Variants in TRPV6 observed in about 807,000 individuals in gnomAD.
The protein encoded by TRPV6 is transient receptor potential cation channel subfamily V member 6.
A neutral mutation model predicts 79.0 loss-of-function variants in TRPV6; 39 were observed. The ratio of observed to expected loss-of-function variants is 0.49; its 90% CI spans 0.38 to 0.64. The LOEUF (loss-of-function observed/expected upper bound fraction) is 0.64, where lower values mean the gene tolerates loss of function less well. Ranked by LOEUF, TRPV6 falls within the 30% of genes least tolerant of loss-of-function variation. The pLI is 0.00. For missense variants in TRPV6, 813 were observed against 1,011.1 expected (o/e 0.80, Z 2.66); for synonymous variants, 373 against 391.9 (o/e 0.95, Z 0.57).
In TRPV6 at chr7:142,874,372, G is replaced by C. The variant is rs559801976; in HGVS notation, c.1572+119C>G. The C allele has an allele frequency of 6.0e-6, 8 of 1,337,384 alleles. No individual in the cohort carries two copies. In the African/African-American group the frequency reaches 7.3e-5, roughly 12 times the overall value. 82.8% of individuals were successfully genotyped at this position (1,337,384 alleles called of 1,614,324 possible). A position where few individuals can be genotyped will look rare whatever the true frequency, so the allele number is the denominator to read the frequency against. Reference sequence around the variant, plus strand: ...GATTGTTAAAAAAGAAGAAAAACATGCAGTGAGGCCATGTGTGGCTTGCAG... The same window carrying C: ...GATTGTTAAAAAAGAAGAAAAACATCCAGTGAGGCCATGTGTGGCTTGCAG... On this transcript the variant is annotated intron_variant, in intron 11 of 14. Transcript: ENST00000359396.
chr7:142,875,514 C>G lies in TRPV6; in HGVS notation c.1196G>C (p.Arg399Pro). The G allele has an allele frequency of 6.2e-7, 1 of 1,606,526 alleles. No individual in the cohort carries two copies. Among genetic ancestry groups the G allele is most frequent in the Non-Finnish European group, 8.5e-7 (1 of 1,177,270 alleles). Residue 399 changes from arginine (R) to proline (P), a missense_variant, in exon 8 of 15, where the codon CGC (arginine) becomes CCC (proline). Transcript: ENST00000359396. ...GAGGGTGTTGTCCCGGGGGCTCGTG[C>G]GGTTATTGGTCCTGGGCTTGAGGGG...
In TRPV6 at chr7:142,871,649, G is replaced by T; in HGVS notation, c.*58C>A. 1 of 1,532,196 alleles carries T rather than the reference G, an allele frequency of 6.5e-7. No homozygotes were observed. The highest frequency in any genetic ancestry group is 1.4e-5 in the African/African-American group (1 of 72,384). 94.9% of individuals were successfully genotyped at this position (1,532,196 alleles called of 1,614,324 possible). On this transcript the variant is annotated 3_prime_UTR_variant, in exon 15 of 15. Coordinates refer to ENST00000359396, the MANE Select transcript of TRPV6 (RefSeq NM_018646.6). ...CCTCTGGGTGTTTGGTTTTTGTTTT[G>T]TTTGATGCACCCAGGAAAATGAGAG... is the stretch of plus-strand genomic sequence containing the variant.
intron 1 of TRPV6, chr7:142,884,134 C>G (rs1795248971): frequency 6.6e-6 from 1 of 151,388 alleles, no homozygotes; most frequent in South Asian, 2.1e-4. Flanking sequence ...GTGAGGACGA[C>G]CTACTCTCTA....
At position 142,873,848 on chromosome 7, in the gene TRPV6, G is replaced by C; in HGVS notation, c.1640-132C>G. 1 of 1,302,684 alleles carries C rather than the reference G, an allele frequency of 7.7e-7. No homozygotes were observed. Among genetic ancestry groups the C allele is most frequent in the Non-Finnish European group, 1.1e-6 (1 of 935,570 alleles). The allele number at this position is 1,302,684 out of a possible 1,614,324, so 80.7% of individuals were successfully genotyped here. ...CAGCTCTGCAGTGCTCCAAACTTTGGGTTTTTACGGTCCCTAGTTTTGTAT... is the reference window on the plus strand; with the variant it reads ...CAGCTCTGCAGTGCTCCAAACTTTGCGTTTTTACGGTCCCTAGTTTTGTAT... On this transcript the variant is annotated intron_variant, in intron 12 of 14. Transcript: ENST00000359396. This position sits in a 1 kb window ranked among gnomAD's most constrained non-coding sequence, Gnocchi z 4.8.
intron 2 of TRPV6, 39 bp downstream of exon 2, chr7:142,877,890 G>A (rs1444747414): frequency 7.4e-6 from 12 of 1,613,408 alleles, no homozygotes; most frequent in Non-Finnish European, 1.0e-5. Context: ...CCATGTGTGG[G>A]GCTCACCTAG....
rs1393649557 is a variant in TRPV6 at position 142,876,330 on chromosome 7, CCT to C, written c.882+76_882+77del. 7.8e-6 allele frequency: 12 copies of C among 1,531,198 alleles called. No homozygotes were observed. The Middle Eastern group carries it at 1.3e-3, about 171-fold the overall frequency. The allele number at this position is 1,531,198 out of a possible 1,614,324, so 94.9% of individuals were successfully genotyped here. On this transcript the variant is annotated intron_variant, in intron 6 of 14. Coordinates refer to ENST00000359396, the MANE Select transcript of TRPV6 (RefSeq NM_018646.6). Reference sequence around the variant, plus strand: ...ATCTAAGCATCAGGGATCGCGTTCACCTCTGTTTCTCCCAGGGCCAGCGGGAT... The same window carrying C: ...ATCTAAGCATCAGGGATCGCGTTCACCTGTTTCTCCCAGGGCCAGCGGGAT...
At chr7:142,884,098 G>A (rs1795247963) in intron 1 of TRPV6, 2 of 152,282 alleles carry the variant, frequency 1.3e-5, no homozygotes, top group Non-Finnish European at 2.9e-5. Flanking sequence ...GGGGTCCTAA[G>A]AGTGGGAAGA....
At position 142,885,697 on chromosome 7, in the gene TRPV6, T is replaced by A; in HGVS notation, c.-61A>T. The A allele has an allele frequency of 1.3e-6, 1 of 773,296 alleles. No individual in the cohort carries two copies. Among genetic ancestry groups the A allele is most frequent in the Non-Finnish European group, 1.9e-6 (1 of 515,744 alleles). The allele number at this position is 773,296 out of a possible 1,614,324, so 47.9% of individuals were successfully genotyped here. A position where few individuals can be genotyped will look rare whatever the true frequency, so the allele number is the denominator to read the frequency against. On this transcript the variant is annotated 5_prime_UTR_variant, in exon 1 of 15. Coordinates refer to ENST00000359396, the MANE Select transcript of TRPV6 (RefSeq NM_018646.6). ...AGTCTCCCAGCAGCCCCAGCCAGTT[T>A]GGAGAGGGCTGTGAGTTTGTTACAC...
Position 142,885,579 on chromosome 7 carries a change from T to C in TRPV6, c.58A>G (p.Arg20Gly), listed in dbSNP as rs1167852363. The C allele has an allele frequency of 2.6e-6, 4 of 1,520,926 alleles. No individual in the cohort carries two copies. The highest frequency in any genetic ancestry group is 2.8e-5 in the African/African-American group (2 of 71,852). 94.2% of individuals were successfully genotyped at this position (1,520,926 alleles called of 1,614,324 possible). Reference sequence around the variant, plus strand: ...GGCCAGACCCTGACGGGACTCAGCCTTGGGGCCACATCAGCCCCCCCAAGG... The same window carrying C: ...GGCCAGACCCTGACGGGACTCAGCCCTGGGGCCACATCAGCCCCCCCAAGG... Residue 20 changes from arginine (R) to glycine (G), a missense_variant, in exon 1 of 15, where the codon AGG (arginine) becomes GGG (glycine). Physicochemically the swap from Arg to Gly is moderately radical, Grantham distance 125. Around this residue, in one of 3 missense-constraint regions of TRPV6, gnomAD observed 555 missense variants for 631.0 expected, o/e 0.88. Transcript: ENST00000359396.
chr7:142,872,465 G>A lies in TRPV6; in HGVS notation c.1922C>T (p.Thr641Ile), dbSNP rs867731519. 1 of 1,613,522 alleles carries A rather than the reference G, an allele frequency of 6.2e-7. No homozygotes were observed. The highest frequency in any genetic ancestry group is 8.5e-7 in the Non-Finnish European group (1 of 1,179,714). The change falls in exon 14 of 15, where the codon ACA becomes ATA. Residue 641 changes from threonine (T) to isoleucine (I), a missense_variant. Physicochemically the swap from Thr to Ile is moderately conservative, Grantham distance 89. Transcript: ENST00000359396. ...AGGCAGCTTCCGCTCCAGCATCACTGTGGTGGCCACAATCTGCGTATGGGA... is the reference window on the plus strand; with the variant it reads ...AGGCAGCTTCCGCTCCAGCATCACTATGGTGGCCACAATCTGCGTATGGGA...
intron 1 of TRPV6, chr7:142,885,073 G>A (rs113830345): frequency 0.016 from 3,429 of 209,754 alleles, 118 homozygotes; most frequent in African/African-American, 0.074. Context: ...CCTCTTGGGT[G>A]GAGGGGCTGT....
chr7:142,878,308 G>T (rs1795122543), intron 1 of TRPV6: 1 of 499,534 alleles, frequency 2.0e-6, no homozygotes, highest in Non-Finnish European at 3.6e-6. Context: ...ATGTGTGAAT[G>T]TATTATCAGT....
At position 142,878,230 on chromosome 7, in the gene TRPV6, C is replaced by T. The variant is rs537440543; in HGVS notation, c.249-204G>A. On this transcript the variant is annotated intron_variant, in intron 1 of 14. Transcript: ENST00000359396. ...TACAATCAACTTTTTGCCCATTTAG[C>T]ATGCGTTTTGAGATTGTCCGTGACT... 82 of 598,820 alleles carry T rather than the reference C, an allele frequency of 1.4e-4. No homozygotes were observed. The South Asian group carries it at 1.6e-3, about 12-fold the overall frequency. 37.1% of individuals were successfully genotyped at this position (598,820 alleles called of 1,614,324 possible). A position where few individuals can be genotyped will look rare whatever the true frequency, so the allele number is the denominator to read the frequency against.
rs1186023673 is a variant in TRPV6, at chr7:142,876,041, GCA to G, written c.883-139_883-138del. 1.3e-5 allele frequency: 12 copies of G among 946,940 alleles called. No individual in the cohort carries two copies. In the African/African-American group the frequency reaches 1.8e-4, roughly 14 times the overall value. The allele number at this position is 946,940 out of a possible 1,614,324, so 58.7% of individuals were successfully genotyped here. A position where few individuals can be genotyped will look rare whatever the true frequency, so the allele number is the denominator to read the frequency against. ...TCATTTTGATGACAGCCTTTAGAGG[GCA>G]GAAGAACCCACATTCACAGTGACAT... On this transcript the variant is annotated intron_variant, in intron 6 of 14. Transcript: ENST00000359396.
At chr7:142,881,277 G>C (rs545072113) in intron 1 of TRPV6, 2 of 152,116 alleles carry the variant, frequency 1.3e-5, no homozygotes, top group Non-Finnish European at 2.9e-5. Flanking sequence ...CAACACGGGG[G>C]TCAAAGGCAG....
At position 142,875,490 on chromosome 7, in the gene TRPV6, A is replaced by G; in HGVS notation, c.1220T>C (p.Leu407Pro). 2.5e-6 allele frequency: 4 copies of G among 1,592,064 alleles called. No homozygotes were observed. Among genetic ancestry groups the G allele is most frequent in the Non-Finnish European group, 3.4e-6 (4 of 1,170,566 alleles). ...CACCTGAAGTAGCTTCTGCTGTAAG[A>G]GGGTGTTGTCCCGGGGGCTCGTGCG... The change falls in exon 8 of 15, where the codon CTC becomes CCC. Residue 407 changes from leucine (L) to proline (P), a missense_variant. Physicochemically the swap from Leu to Pro is moderately conservative, Grantham distance 98. Coordinates refer to ENST00000359396, the MANE Select transcript of TRPV6 (RefSeq NM_018646.6).
At chr7:142,872,865 T>G (rs1180603720) in intron 13 of TRPV6, among the ~76,000 whole-genome samples, 2 of 152,252 alleles carry the variant, frequency 1.3e-5, no homozygotes, top group Non-Finnish European at 2.9e-5. Context: ...CACTCCGTTT[T>G]CTACACAGCA....
At chr7:142,875,711 G>A in intron 7 of TRPV6, 31 bp from the exon 8 acceptor site, 1 of 1,603,494 alleles carries the variant, frequency 6.2e-7, no homozygotes, top group Non-Finnish European at 8.5e-7. Flanking sequence ...GTGGCTCAGA[G>A]ACCCTGACAC....
In TRPV6 at chr7:142,885,616, G is replaced by A. The variant is rs1396781435; in HGVS notation, c.21C>T (p.Asp7=). Reference sequence around the variant, plus strand: ...CAGCCCCCCCAAGGGCCGGCCCACCGTCTCCCTGTAGAGGTCCCGTCTCCT... The same window carrying A: ...CAGCCCCCCCAAGGGCCGGCCCACCATCTCCCTGTAGAGGTCCCGTCTCCT... The change falls in exon 1 of 15, where the codon GAC becomes GAT. Residue 7 remains aspartate, a synonymous_variant. Transcript: ENST00000359396. The A allele has an allele frequency of 3.9e-5, 57 of 1,466,772 alleles. No individual in the cohort carries two copies. Among genetic ancestry groups the A allele is most frequent in the South Asian group, 1.4e-4 (10 of 71,662 alleles). 90.9% of individuals were successfully genotyped at this position (1,466,772 alleles called of 1,614,324 possible). A position where few individuals can be genotyped will look rare whatever the true frequency, so the allele number is the denominator to read the frequency against.
Sources: allele counts gnomAD v4.1 joint callset (sites outside exome capture counted in the v4.1 genomes callset), GRCh38; gene constraint gnomAD v4.1.1; regional missense constraint gnomAD v4.1.1; non-coding constraint Gnocchi (gnomAD v3.1); transcripts MANE v1.5; gene names NCBI Gene and HGNC (gene_info 2026-07-23, HGNC 2026-07-21).